The following MCTP1 variants were observed in gnomAD, a reference collection of about 807,000 sequenced individuals.
The protein encoded by MCTP1 is multiple C2 and transmembrane domain containing 1.
A neutral mutation model predicts 120.6 loss-of-function variants in MCTP1; 69 were observed. That is an observed-to-expected ratio of 0.57 (90% CI 0.47 to 0.70). The LOEUF (loss-of-function observed/expected upper bound fraction) is 0.70. Ranked by LOEUF, MCTP1 falls within the 30% of genes least tolerant of loss-of-function variation. MCTP1 has a pLI of 0.00. For missense variants in MCTP1, 1,203 were observed against 1,248.8 expected (o/e 0.96, Z 0.55); for synonymous variants, 529 against 493.1 (o/e 1.07, Z -0.96).
rs1437123 is a variant in MCTP1 at position 94,981,264 on chromosome 5, A to T, written c.839-27903T>A. ...GATGTAGAACCAATCTAAGTTATACACTTCCCAAGGGACACACTCTTTTTA... is the reference window on the plus strand; with the variant it reads ...GATGTAGAACCAATCTAAGTTATACTCTTCCCAAGGGACACACTCTTTTTA... On this transcript the variant is annotated intron_variant, in intron 2 of 22. Coordinates refer to ENST00000515393, the MANE Select transcript of MCTP1 (RefSeq NM_024717.7). 2.6e-5 allele frequency among the ~76,000 whole-genome samples: 4 copies of T among 151,876 alleles called. No homozygotes were observed. In the South Asian group the frequency reaches 6.2e-4, roughly 24 times the overall value.
chr5:95,165,344 C>T (rs1582410568), intron 1 of MCTP1, among the ~76,000 whole-genome samples: 1 of 152,090 alleles, frequency 6.6e-6, no homozygotes, highest in Non-Finnish European at 1.5e-5. Flanking sequence ...TTATTTGGGA[C>T]CCTCCCCTCA....
rs564147539 is a variant in MCTP1, at chr5:94,947,165, G to A, written c.982-4738C>T. ...AGCTCTATCTCCTCCCTGTGATACC[G>A]TACTCTGATCTTGCCCAGTCCTTGG... On this transcript the variant is annotated intron_variant, in intron 3 of 22. Coordinates refer to ENST00000515393, the MANE Select transcript of MCTP1 (RefSeq NM_024717.7). 1.3e-4 allele frequency among the ~76,000 whole-genome samples: 20 copies of A among 152,138 alleles called. No homozygotes were observed. In the South Asian group the frequency reaches 2.3e-3, roughly 17 times the overall value.
intron 1 of MCTP1, among the ~76,000 whole-genome samples, chr5:95,254,079 A>G (rs1216553540): frequency 6.6e-5 from 10 of 152,200 alleles, no homozygotes; most frequent in African/African-American, 2.4e-4. Context: ...ATTCATTCAT[A>G]ATGAACTAAC....
At chr5:94,870,824 T>C in intron 15 of MCTP1, 48 bp downstream of exon 15, 1 of 1,242,000 alleles carries the variant, frequency 8.1e-7, no homozygotes, top group Non-Finnish European at 1.2e-6. Context: ...AAAGCTTTCA[T>C]GAAACTGAAC....
At chr5:95,187,148 C>A (rs1184025370) in intron 1 of MCTP1, among the ~76,000 whole-genome samples, 2 of 152,206 alleles carry the variant, frequency 1.3e-5, no homozygotes, top group Non-Finnish European at 2.9e-5. Context: ...GATATTTGCA[C>A]TCCCATGTTT....
chr5:95,143,910 G>T (rs1172992087), intron 1 of MCTP1, among the ~76,000 whole-genome samples: 1 of 152,106 alleles, frequency 6.6e-6, no homozygotes, highest in East Asian at 1.9e-4. Context: ...TTTTCTTTGG[G>T]TATATATTTA....
chr5:94,920,311 A>G (rs1378343779), intron 7 of MCTP1, among the ~76,000 whole-genome samples: 1 of 145,762 alleles, frequency 6.9e-6, no homozygotes, highest in Admixed American at 6.9e-5. Flanking sequence ...ATTAAAAGTT[A>G]CACCTATTTT....
intron 1 of MCTP1, among the ~76,000 whole-genome samples, chr5:95,227,203 T>C (rs1166306921): frequency 6.6e-6 from 1 of 152,220 alleles, no homozygotes; most frequent in East Asian, 1.9e-4. Context: ...ATGTCTCATG[T>C]GTCTTCTCAG....
intron 17 of MCTP1, among the ~76,000 whole-genome samples, chr5:94,805,476 A>C (rs1782078805): frequency 6.6e-6 from 1 of 152,072 alleles, no homozygotes; most frequent in Non-Finnish European, 1.5e-5. Flanking sequence ...AAAACAAAAA[A>C]ATGTAGCTGG....
rs925887641 is a variant in MCTP1, at chr5:95,100,333, T to C, written c.721-82849A>G. On this transcript the variant is annotated intron_variant, in intron 1 of 22. Coordinates refer to ENST00000515393, the MANE Select transcript of MCTP1 (RefSeq NM_024717.7). ...TGATATTTTGTTGTGCTTTTAGTGCTATATCAGCTAAATATTTACCTACAT... is the reference window on the plus strand; with the variant it reads ...TGATATTTTGTTGTGCTTTTAGTGCCATATCAGCTAAATATTTACCTACAT... 1.2e-4 allele frequency among the ~76,000 whole-genome samples: 18 copies of C among 152,210 alleles called. 1 individual carries two copies. Among genetic ancestry groups the C allele is most frequent in the Non-Finnish European group, 1.6e-4 (11 of 68,032 alleles).
chr5:94,825,115 T>G (rs1408417101), intron 17 of MCTP1, among the ~76,000 whole-genome samples: 1 of 152,238 alleles, frequency 6.6e-6, no homozygotes, highest in Non-Finnish European at 1.5e-5. Context: ...TCTCTAGTTC[T>G]TTTAATTGTG....
intron 2 of MCTP1, among the ~76,000 whole-genome samples, chr5:94,996,586 A>T (rs1561989508): frequency 6.6e-6 from 1 of 152,308 alleles, no homozygotes; most frequent in East Asian, 1.9e-4. Context: ...TATAATATCC[A>T]ATACAATGTA....
chr5:94,942,281 A>G (rs1817902554), intron 4 of MCTP1, 67 bp downstream of exon 4: 2 of 1,191,158 alleles, frequency 1.7e-6, no homozygotes, highest in South Asian at 2.5e-5. Flanking sequence ...AGATCAGCTG[A>G]CATTTTCTGT....
chr5:94,871,615 C>T (rs1532836), intron 13 of MCTP1, among the ~76,000 whole-genome samples, 198 bp from the exon 14 acceptor site: 1 of 151,964 alleles, frequency 6.6e-6, no homozygotes, highest in Non-Finnish European at 1.5e-5. Flanking sequence ...AGTGATGGTT[C>T]TATTATCTGT....
chr5:95,207,451 A>C (rs1012683840), intron 1 of MCTP1, among the ~76,000 whole-genome samples: 1 of 152,172 alleles, frequency 6.6e-6, no homozygotes, highest in African/African-American at 2.4e-5. Flanking sequence ...AATATTCAAC[A>C]GTTTCTGCAT....
chr5:94,721,213 G>T (rs1760809968), intron 19 of MCTP1, among the ~76,000 whole-genome samples: 1 of 152,186 alleles, frequency 6.6e-6, no homozygotes, highest in Non-Finnish European at 1.5e-5. Context: ...TTTGAAGGTA[G>T]AAAGTGAAAG....
chr5:94,966,978 A>C (rs17422580), intron 2 of MCTP1, among the ~76,000 whole-genome samples: 57,255 of 152,046 alleles, frequency 0.38, 10,972 homozygotes, highest in Middle Eastern at 0.43. Flanking sequence ...TTTTACAAAA[A>C]ACGCACTCGC....
Position 95,042,197 on chromosome 5 carries a change from TAAGG to T in MCTP1, c.721-24717_721-24714del, listed in dbSNP as rs372677199. 9.2e-4 allele frequency among the ~76,000 whole-genome samples: 140 copies of T among 152,298 alleles called. 1 individual carries two copies. In the East Asian group the frequency reaches 0.021, roughly 22 times the overall value. The stretch of plus-strand genomic sequence containing the variant: ...CAGTGGCCTGTTTTTCCAATGCCGG[TAAGG>T]AAGTATTTATTTATACAACCAAAGC... On this transcript the variant is annotated intron_variant, in intron 1 of 22. Transcript: ENST00000515393.
At position 95,026,558 on chromosome 5, in the gene MCTP1, C is replaced by T. The variant is rs554546384; in HGVS notation, c.721-9074G>A. ...CATGCAAAGTTTGTCTTTCTGTGCC[C>T]GGCTTATTTCGCTTAACAAAATGAT... On this transcript the variant is annotated intron_variant, in intron 1 of 22. Coordinates refer to ENST00000515393, the MANE Select transcript of MCTP1 (RefSeq NM_024717.7). Among the ~76,000 whole-genome samples the T allele has an allele frequency of 2.6e-4, 40 of 152,194 alleles. No individual in the cohort carries two copies. The South Asian group carries it at 7.3e-3, about 28-fold the overall frequency.
Sources: allele counts gnomAD v4.1 joint callset (sites outside exome capture counted in the v4.1 genomes callset), GRCh38; gene constraint gnomAD v4.1.1; transcripts MANE v1.5; gene names NCBI Gene and HGNC (gene_info 2026-07-23, HGNC 2026-07-21).